Variants in UBE2G1 observed in about 807,000 individuals in gnomAD.
UBE2G1 encodes the protein ubiquitin-conjugating enzyme E2 G1.
UBE2G1 carries 5 observed loss-of-function variants against 22.7 expected under a neutral mutation model. The observed-to-expected ratio is 0.22, with a 90% confidence interval of 0.12 to 0.46. UBE2G1 has a LOEUF of 0.46. Ranked by LOEUF, UBE2G1 falls within the 20% of genes least tolerant of loss-of-function variation. UBE2G1 has a pLI of 0.99. For synonymous variants in UBE2G1, 74 were observed against 67.5 expected (o/e 1.10, Z -0.47); for missense variants, 88 against 203.9 (o/e 0.43, Z 3.46).
chr17:4,346,830 C>T (rs1969782067), intron 1 of UBE2G1, among the ~76,000 whole-genome samples: 1 of 151,980 alleles, frequency 6.6e-6, no homozygotes, highest in Admixed American at 6.6e-5. Context: ...TCTATATATG[C>T]CCAGTATTGT....
intron 2 of UBE2G1, among the ~76,000 whole-genome samples, chr17:4,305,260 A>G (rs1025022840): frequency 6.6e-6 from 1 of 152,150 alleles, no homozygotes; most frequent in African/African-American, 2.4e-5. Flanking sequence ...TAAGCATTCT[A>G]TGAAGTACAT....
At position 4,351,215 on chromosome 17, in the gene UBE2G1, T is replaced by C. The variant is rs112368268; in HGVS notation, c.46+15056A>G. ...GGGAAAGGTTAAAAATAAGAGAAAC[T>C]GAATGCAGGGTATGTAAGAACTCAC... On this transcript the variant is annotated intron_variant, in intron 1 of 5. Transcript: ENST00000396981. 2.2e-4 allele frequency among the ~76,000 whole-genome samples: 34 copies of C among 151,988 alleles called. 1 individual carries two copies. The highest frequency in any genetic ancestry group is 8.0e-4 in the African/African-American group (33 of 41,436).
chr17:4,315,800 CTT>C (rs368086814), intron 1 of UBE2G1, among the ~76,000 whole-genome samples: 55,220 of 105,136 alleles, frequency 0.53, 16,015 homozygotes, highest in East Asian at 0.8. Context: ...AAAGAGGCTC[CTT>C]TTTTTTTTTT....
chr17:4,333,188 C>T (rs545917788), intron 1 of UBE2G1, among the ~76,000 whole-genome samples: 6 of 152,288 alleles, frequency 3.9e-5, no homozygotes, highest in East Asian at 3.9e-4. Flanking sequence ...ACAATTCAGA[C>T]GCCAGACCGT....
chr17:4,301,649 T>C, intron 2 of UBE2G1: 1 of 818,800 alleles, frequency 1.2e-6, no homozygotes, highest in Non-Finnish European at 2.2e-6. Flanking sequence ...GCTGTTTTAT[T>C]TGCACTGGAC....
Position 4,366,525 on chromosome 17 carries a change from C to T in UBE2G1, c.-209G>A, listed in dbSNP as rs905468847. 2.3e-6 allele frequency: 1 copy of T among 442,556 alleles called. No individual in the cohort carries two copies. Among genetic ancestry groups the T allele is most frequent in the Non-Finnish European group, 3.9e-6 (1 of 256,964 alleles). 27.4% of individuals were successfully genotyped at this position (442,556 alleles called of 1,614,324 possible). ...AGCTCTTTTCACAGCGACTCACGCC[C>T]GGAAGGGGAGGGTGCCCGGGCTGCC... On this transcript the variant is annotated 5_prime_UTR_variant, in exon 1 of 6. Coordinates refer to ENST00000396981, the MANE Select transcript of UBE2G1 (RefSeq NM_003342.5).
At chr17:4,301,469 T>C (rs549768427) in intron 2 of UBE2G1, 3 of 783,056 alleles carry the variant, frequency 3.8e-6, no homozygotes, top group Non-Finnish European at 6.9e-6. Context: ...ATTTTTGCTA[T>C]AATAATCCTG....
At chr17:4,303,563 A>G (rs1969212393) in intron 2 of UBE2G1, among the ~76,000 whole-genome samples, 1 of 136,272 alleles carries the variant, frequency 7.3e-6, no homozygotes, top group African/African-American at 2.7e-5. Flanking sequence ...GGCAGTCCCC[A>G]AAGTCCATGT....
chr17:4,289,638 T>C (rs573569773), intron 3 of UBE2G1, among the ~76,000 whole-genome samples: 1 of 152,358 alleles, frequency 6.6e-6, no homozygotes, highest in Non-Finnish European at 1.5e-5. Flanking sequence ...AAGCTATCTT[T>C]TTCATTTATG....
chr17:4,277,437 C>A (rs927909748), intron 5 of UBE2G1, among the ~76,000 whole-genome samples: 1 of 152,222 alleles, frequency 6.6e-6, no homozygotes, highest in Non-Finnish European at 1.5e-5. Flanking sequence ...TCCAGTGGTA[C>A]ACAAAGTAGC....
chr17:4,301,433 G>T lies in UBE2G1; in HGVS notation c.150-4619C>A. On this transcript the variant is annotated intron_variant, in intron 2 of 5. Transcript: ENST00000396981. ...GGCTATGACTTTTGATGCTGTTATT[G>T]ATGTGTTTCCTTGGCTTCAGCAGCT... The T allele has an allele frequency of 7.4e-6, 5 of 679,168 alleles. 1 individual carries two copies. The highest frequency in any genetic ancestry group is 5.5e-5 in the South Asian group (4 of 73,160). The allele number at this position is 679,168 out of a possible 1,614,324, so 42.1% of individuals were successfully genotyped here. A position where few individuals can be genotyped will look rare whatever the true frequency, so the allele number is the denominator to read the frequency against.
chr17:4,340,555 T>A (rs532796354), intron 1 of UBE2G1, among the ~76,000 whole-genome samples: 12 of 152,272 alleles, frequency 7.9e-5, no homozygotes, highest in African/African-American at 2.9e-4. Flanking sequence ...CTGATGGTTT[T>A]ATAAGGTGCT....
At chr17:4,287,900 G>T (rs1335968515) in intron 4 of UBE2G1, among the ~76,000 whole-genome samples, 1 of 151,996 alleles carries the variant, frequency 6.6e-6, no homozygotes. Flanking sequence ...CAGGATAGGG[G>T]CGTGGCAGCT....
In UBE2G1 at chr17:4,270,649, A is replaced by AG. The variant is rs1968745653; in HGVS notation, c.*1904dup. 1 of 95,048 alleles carries AG rather than the reference A, an allele frequency of 1.1e-5. No individual in the cohort carries two copies. The highest frequency in any genetic ancestry group is 2.8e-5 in the African/African-American group (1 of 35,170). 5.9% of individuals were successfully genotyped at this position (95,048 alleles called of 1,614,324 possible). A position where few individuals can be genotyped will look rare whatever the true frequency, so the allele number is the denominator to read the frequency against. On this transcript the variant is annotated 3_prime_UTR_variant, in exon 6 of 6. Transcript: ENST00000396981. The stretch of plus-strand genomic sequence containing the variant: ...CAACTATTTTTACAGTCTTTGGAAA[A>AG]GGAAAAAAAAAACCAAGTCACAAAG...
chr17:4,293,078 TTA>T (rs1969062308), intron 3 of UBE2G1, among the ~76,000 whole-genome samples: 1 of 152,152 alleles, frequency 6.6e-6, no homozygotes. Context: ...ACAATCAATT[TTA>T]GAGTATTTTT....
At chr17:4,282,368 C>T (rs1968904534) in intron 5 of UBE2G1, among the ~76,000 whole-genome samples, 1 of 152,162 alleles carries the variant, frequency 6.6e-6, no homozygotes, top group South Asian at 2.1e-4. Context: ...CAGGCATGAG[C>T]CACCACGCCT....
chr17:4,349,448 C>G (rs977007952), intron 1 of UBE2G1, among the ~76,000 whole-genome samples: 2 of 152,176 alleles, frequency 1.3e-5, no homozygotes, highest in South Asian at 4.2e-4. Context: ...GAACTTAAAA[C>G]AAATGGAACT....
intron 1 of UBE2G1, among the ~76,000 whole-genome samples, chr17:4,320,945 A>G (rs1043622485): frequency 6.6e-6 from 1 of 152,184 alleles, no homozygotes; most frequent in Non-Finnish European, 1.5e-5. Context: ...TAAAAAAAAG[A>G]AATTATGAAT....
Position 4,307,011 on chromosome 17 carries a change from T to A in UBE2G1, c.149+10A>T. The A allele has an allele frequency of 6.2e-7, 1 of 1,607,990 alleles. No homozygotes were observed. Among genetic ancestry groups the A allele is most frequent in the South Asian group, 1.1e-5 (1 of 90,960 alleles). Reference sequence around the variant, plus strand: ...CTCCATTTTGAAGATGTCAGTTCCATTATACTTACTAAAGTGTATCTGGAG... The same window carrying A: ...CTCCATTTTGAAGATGTCAGTTCCAATATACTTACTAAAGTGTATCTGGAG... On this transcript the variant is annotated intron_variant, in intron 2 of 5. Coordinates refer to ENST00000396981, the MANE Select transcript of UBE2G1 (RefSeq NM_003342.5).
Sources: gnomAD v4.1 joint callset for allele counts (sites outside exome capture counted in the v4.1 genomes callset) on GRCh38, gnomAD v4.1.1 for gene constraint, MANE v1.5 for transcripts, NCBI Gene and HGNC (gene_info 2026-07-23, HGNC 2026-07-21) for gene names.